DLGAP1: variants seen among roughly 807,000 people sequenced by gnomAD.
DLGAP1 encodes the protein DLG associated protein 1.
Under a neutral mutation model 90.8 loss-of-function variants are expected in DLGAP1, and 11 were observed. The observed-to-expected ratio is 0.12, with a 90% CI of 0.08 to 0.20. The LOEUF is 0.20. Among genes scored for constraint, DLGAP1 ranks in the 10% least tolerant of loss-of-function variants. DLGAP1 has a pLI of 1.00. For synonymous variants in DLGAP1, 558 were observed against 540.7 expected, an observed-to-expected ratio of 1.03 and a Z score of -0.44; for missense variants, 1,050 against 1,333.8, an observed-to-expected ratio of 0.79 and a Z score of 3.31.
chr18:3,999,277 G>T (rs934035355), intron 3 of DLGAP1, among the ~76,000 whole-genome samples: 13 of 152,038 alleles, frequency 8.6e-5, no homozygotes, highest in African/African-American at 2.9e-4. Flanking sequence ...CCACCTGAAA[G>T]AAACATACAT....
At chr18:4,063,186 T>C (rs116541239) in intron 2 of DLGAP1, among the ~76,000 whole-genome samples, 3 of 152,078 alleles carry the variant, frequency 2.0e-5, no homozygotes, top group Non-Finnish European at 4.4e-5. Context: ...TGAGAGGCGA[T>C]AAATGGCTAG....
intron 3 of DLGAP1, among the ~76,000 whole-genome samples, chr18:3,924,709 A>C (rs2072342989): frequency 6.6e-6 from 1 of 152,136 alleles, no homozygotes; most frequent in African/African-American, 2.4e-5. Context: ...AGTACTAATT[A>C]TAATATAGTT....
intron 5 of DLGAP1, among the ~76,000 whole-genome samples, chr18:3,791,126 TC>T (rs2065712044): frequency 6.6e-6 from 1 of 152,156 alleles, no homozygotes; most frequent in African/African-American, 2.4e-5. Flanking sequence ...TGATGATGTT[TC>T]TGGGGAACGG....
chr18:3,817,040 T>C (rs2067141017), intron 4 of DLGAP1, among the ~76,000 whole-genome samples: 1 of 152,240 alleles, frequency 6.6e-6, no homozygotes, highest in South Asian at 2.1e-4. Context: ...GGCAGGTGAC[T>C]CACTGCATAG....
intron 1 of DLGAP1, among the ~76,000 whole-genome samples, chr18:4,372,819 T>TC (rs906799497): frequency 1.3e-5 from 2 of 151,650 alleles, no homozygotes; most frequent in Admixed American, 1.3e-4. Flanking sequence ...TCCCAGCTAC[T>TC]CAGGAGGCTG....
intron 1 of DLGAP1, among the ~76,000 whole-genome samples, chr18:4,400,269 G>A (rs2144519656): frequency 6.6e-6 from 1 of 152,318 alleles, no homozygotes; most frequent in Non-Finnish European, 1.5e-5. Flanking sequence ...GTTAACAGGT[G>A]GCTGATCAGG....
intron 1 of DLGAP1, among the ~76,000 whole-genome samples, chr18:4,302,784 T>G (rs141254536): frequency 6.6e-6 from 1 of 152,230 alleles, no homozygotes; most frequent in East Asian, 1.9e-4. Flanking sequence ...GAGACTGCAC[T>G]GAATCTATAG....
At chr18:3,767,032 A>C (rs953953312) in intron 5 of DLGAP1, among the ~76,000 whole-genome samples, 1 of 152,158 alleles carries the variant, frequency 6.6e-6, no homozygotes, top group African/African-American at 2.4e-5. Flanking sequence ...CAAGCCTGAC[A>C]AAGAATAAAA....
chr18:3,913,604 A>G lies in DLGAP1; in HGVS notation c.-72-33464T>C, dbSNP rs541523734. 1.1e-4 allele frequency among the ~76,000 whole-genome samples: 16 copies of G among 152,346 alleles called. No individual in the cohort carries two copies. The East Asian group carries it at 3.1e-3, about 29-fold the overall frequency. ...TACTTTTCTATGGCTGGATTGAAAT[A>G]TAGATTCTTTTGGACTTAAAATTTC... is the stretch of plus-strand genomic sequence containing the variant. On this transcript the variant is annotated intron_variant, in intron 3 of 12. Coordinates refer to ENST00000315677, the MANE Select transcript of DLGAP1 (RefSeq NM_004746.4).
At chr18:3,931,199 G>A (rs2072508169) in intron 3 of DLGAP1, among the ~76,000 whole-genome samples, 1 of 152,182 alleles carries the variant, frequency 6.6e-6, no homozygotes. Flanking sequence ...CTCACTGGCT[G>A]TCATTGCCTT....
chr18:3,543,538 G>T (rs936849630), intron 9 of DLGAP1, among the ~76,000 whole-genome samples: 1 of 152,152 alleles, frequency 6.6e-6, no homozygotes, highest in Non-Finnish European at 1.5e-5. Flanking sequence ...AACAGGGCTT[G>T]CCTTACTTAC....
chr18:4,213,950 T>C (rs1207378325), intron 1 of DLGAP1, among the ~76,000 whole-genome samples: 1 of 152,144 alleles, frequency 6.6e-6, no homozygotes, highest in Non-Finnish European at 1.5e-5. Flanking sequence ...GGAAGTCTTC[T>C]TGATTTGGCA....
At position 3,729,071 on chromosome 18, in the gene DLGAP1, C is replaced by T; in HGVS notation, c.1591+64G>A. On this transcript the variant is annotated intron_variant, in intron 7 of 12. Coordinates refer to ENST00000315677, the MANE Select transcript of DLGAP1 (RefSeq NM_004746.4). The surrounding 1 kb of genome is among the most constrained non-coding windows in gnomAD (Gnocchi z 6.2). ...TGTGTGTTGACAGCAAGGGCACAGT[C>T]TTTGGGGACAGTCGTGCCATAGCCA... The T allele has an allele frequency of 3.2e-6, 5 of 1,541,948 alleles. No individual in the cohort carries two copies. Among genetic ancestry groups the T allele is most frequent in the Non-Finnish European group, 4.4e-6 (5 of 1,144,706 alleles).
At chr18:3,519,239 G>A (rs567435660) in intron 10 of DLGAP1, among the ~76,000 whole-genome samples, 1 of 152,112 alleles carries the variant, frequency 6.6e-6, no homozygotes. Context: ...GCAAAACAAG[G>A]TCCACCTTCA....
intron 3 of DLGAP1, among the ~76,000 whole-genome samples, chr18:3,956,347 A>AT (rs1224759431): frequency 1.9e-3 from 287 of 151,334 alleles, no homozygotes; most frequent in African/African-American, 6.3e-3. Flanking sequence ...TCCCTTTAAC[A>AT]TTTTTTTTTC....
At position 4,360,744 on chromosome 18, in the gene DLGAP1, T is replaced by G. The variant is rs530813416; in HGVS notation, c.-267+94262A>C. Among the ~76,000 whole-genome samples, 4 of 152,204 alleles carry G rather than the reference T, an allele frequency of 2.6e-5. No individual in the cohort carries two copies. In the South Asian group the frequency reaches 8.3e-4, roughly 32 times the overall value. On this transcript the variant is annotated intron_variant, in intron 1 of 12. Transcript: ENST00000315677. ...CTGTAATCCCAGAACTTTGGGAGGC[T>G]GAGGCAGGTGGATCACCTAAGGTCA... is the stretch of plus-strand genomic sequence containing the variant.
chr18:3,647,719 C>G (rs1319348548), intron 7 of DLGAP1, among the ~76,000 whole-genome samples: 3 of 152,148 alleles, frequency 2.0e-5, no homozygotes, highest in African/African-American at 7.2e-5. Flanking sequence ...CCCTCCTTGG[C>G]CTCTCAAAGT....
At chr18:3,882,354 AGTGGG>A (rs2071194952) in intron 3 of DLGAP1, among the ~76,000 whole-genome samples, 3 of 150,450 alleles carry the variant, frequency 2.0e-5, no homozygotes, top group African/African-American at 7.5e-5. Context: ...TGGGAAACAT[AGTGGG>A]ACCCAGTCTT....
At chr18:3,920,877 T>G (rs1447917579) in intron 3 of DLGAP1, among the ~76,000 whole-genome samples, 3 of 152,246 alleles carry the variant, frequency 2.0e-5, no homozygotes, top group African/African-American at 7.2e-5. Context: ...AGTTTTTATG[T>G]TTCTCTGGCA....
Sources: allele counts gnomAD v4.1 joint callset (sites outside exome capture counted in the v4.1 genomes callset), GRCh38; gene constraint gnomAD v4.1.1; non-coding constraint Gnocchi (gnomAD v3.1); transcripts MANE v1.5; gene names NCBI Gene and HGNC (gene_info 2026-07-23, HGNC 2026-07-21).